CELF4: variants seen among roughly 807,000 people sequenced by gnomAD.
CELF4 encodes the protein CUG-BP- and ETR-3-like factor 4.
In CELF4, 18 loss-of-function variants were observed where a neutral mutation model predicts 59.9. That is an observed-to-expected ratio of 0.30 (90% CI 0.21 to 0.45). CELF4 has a LOEUF of 0.45. Ranked by LOEUF, CELF4 falls within the 20% of genes least tolerant of loss-of-function variation. The pLI is 1.00. For synonymous variants in CELF4, 261 were observed against 267.1 expected (o/e 0.98, Z 0.22); for missense variants, 456 against 689.0 (o/e 0.66, Z 3.79).
At chr18:37,399,466 A>T (rs913868712) in intron 2 of CELF4, among the ~76,000 whole-genome samples, 1 of 152,162 alleles carries the variant, frequency 6.6e-6, no homozygotes, top group African/African-American at 2.4e-5. Flanking sequence ...ATAAGGCTCT[A>T]TTATTTATAA....
At chr18:37,481,972 G>T (rs1431420657) in intron 2 of CELF4, among the ~76,000 whole-genome samples, 2 of 152,242 alleles carry the variant, frequency 1.3e-5, no homozygotes, top group Admixed American at 6.5e-5. Flanking sequence ...ATAAAATGAG[G>T]CAATGTAGGT....
chr18:37,280,119 C>T (rs2093938570), intron 3 of CELF4, among the ~76,000 whole-genome samples: 1 of 152,148 alleles, frequency 6.6e-6, no homozygotes. Context: ...TGTCTAACCA[C>T]CATAGGGGAG....
chr18:37,313,433 T>A (rs989493383), intron 3 of CELF4, among the ~76,000 whole-genome samples: 1 of 152,186 alleles, frequency 6.6e-6, no homozygotes, highest in African/African-American at 2.4e-5. Context: ...TTCTGTATAT[T>A]GAATTTTTGT....
At chr18:37,522,048 C>T (rs1289621360) in intron 1 of CELF4, among the ~76,000 whole-genome samples, 1 of 152,182 alleles carries the variant, frequency 6.6e-6, no homozygotes, top group Non-Finnish European at 1.5e-5. Flanking sequence ...CTTCCATAGC[C>T]TCAGTTTCTG....
chr18:37,358,925 A>T (rs911380638), intron 2 of CELF4, among the ~76,000 whole-genome samples: 1 of 152,146 alleles, frequency 6.6e-6, no homozygotes, highest in Non-Finnish European at 1.5e-5. Flanking sequence ...AACATGGTGA[A>T]ACCCCATCTC....
intron 2 of CELF4, among the ~76,000 whole-genome samples, chr18:37,335,925 C>T (rs564133865): frequency 6.5e-4 from 99 of 152,304 alleles, no homozygotes; most frequent in African/African-American, 8.9e-4. Flanking sequence ...GGAACATCAC[C>T]GCCACTGCCC....
chr18:37,553,565 A>G (rs1377067162), intron 1 of CELF4, among the ~76,000 whole-genome samples: 1 of 152,194 alleles, frequency 6.6e-6, no homozygotes, highest in Non-Finnish European at 1.5e-5. Flanking sequence ...TAAATCGTAG[A>G]CTGTAATTAT....
At chr18:37,552,702 TG>T (rs2099983606) in intron 1 of CELF4, among the ~76,000 whole-genome samples, 1 of 152,202 alleles carries the variant, frequency 6.6e-6, no homozygotes, top group Non-Finnish European at 1.5e-5. Context: ...AAGGGGCAGA[TG>T]GGGGTCTTGA....
intron 1 of CELF4, among the ~76,000 whole-genome samples, chr18:37,503,166 T>G (rs1210759552): frequency 6.6e-6 from 1 of 152,216 alleles, no homozygotes; most frequent in Non-Finnish European, 1.5e-5. Flanking sequence ...AAAGGCCAGA[T>G]ACTGCGCTTT....
intron 2 of CELF4, among the ~76,000 whole-genome samples, chr18:37,470,873 T>TGAGA (rs1569569543): frequency 2.9e-5 from 3 of 104,040 alleles, no homozygotes; most frequent in Admixed American, 1.1e-4. Context: ...TGTGTGTGTG[T>TGAGA]GTGTGTGTGT....
intron 2 of CELF4, among the ~76,000 whole-genome samples, chr18:37,390,284 G>A (rs995656111): frequency 1.3e-5 from 2 of 152,154 alleles, no homozygotes; most frequent in Non-Finnish European, 1.5e-5. Context: ...GTTCCAGGAC[G>A]CCCCCGACAG....
At chr18:37,474,869 A>G (rs571954552) in intron 2 of CELF4, among the ~76,000 whole-genome samples, 1 of 152,196 alleles carries the variant, frequency 6.6e-6, no homozygotes, top group South Asian at 2.1e-4. Flanking sequence ...TGCCAGCACC[A>G]GCACTTCCAG....
chr18:37,495,196 G>A (rs1005979636), intron 1 of CELF4, among the ~76,000 whole-genome samples: 2 of 152,222 alleles, frequency 1.3e-5, no homozygotes, highest in South Asian at 2.1e-4. Context: ...AGGGTGAGAA[G>A]CCAGGCTCAA....
Position 37,458,073 on chromosome 18 carries a change from A to G in CELF4, c.369+27452T>C, listed in dbSNP as rs76194146. Among the ~76,000 whole-genome samples the G allele has an allele frequency of 2.9e-4, 44 of 152,220 alleles. No individual in the cohort carries two copies. The East Asian group carries it at 7.6e-3, about 26-fold the overall frequency. Reference sequence around the variant, plus strand: ...AACTCTAACAGTATAAGTTTTAATGATGGGACTTCGAGCATCAAAGACAGG... The same window carrying G: ...AACTCTAACAGTATAAGTTTTAATGGTGGGACTTCGAGCATCAAAGACAGG... On this transcript the variant is annotated intron_variant, in intron 2 of 12. Transcript: ENST00000420428.
intron 2 of CELF4, among the ~76,000 whole-genome samples, chr18:37,448,224 T>G (rs2099753529): frequency 6.6e-6 from 1 of 152,200 alleles, no homozygotes; most frequent in African/African-American, 2.4e-5. Flanking sequence ...ACTGAGGCCT[T>G]GAGGCTTGTG....
At chr18:37,520,596 C>T (rs1300973621) in intron 1 of CELF4, among the ~76,000 whole-genome samples, 1 of 152,022 alleles carries the variant, frequency 6.6e-6, no homozygotes, top group Admixed American at 6.6e-5. Context: ...GGCCTGAGAG[C>T]AGAGCCGGGA....
Position 37,321,870 on chromosome 18 carries a change from C to T in CELF4, c.381G>A (p.Pro127=), listed in dbSNP as rs41352348. Residue 127 remains proline (P), a synonymous_variant, in exon 3 of 13, where the codon CCG becomes CCA. Coordinates refer to ENST00000420428, the MANE Select transcript of CELF4 (RefSeq NM_020180.4). ...CGCTGTCCGCAGGCTTCACCTGGAT[C>T]GGCCGGTTCATCTGCAACAGAGCAG... ...EQKTLPGMNR[P]IQVKPADSES... 3.9e-3 allele frequency: 6,247 copies of T among 1,613,058 alleles called. 14 individuals carry two copies. Among genetic ancestry groups the T allele is most frequent in the Non-Finnish European group, 5.0e-3 (5,890 of 1,179,404 alleles).
intron 2 of CELF4, among the ~76,000 whole-genome samples, chr18:37,458,080 T>C (rs2154602008): frequency 6.6e-6 from 1 of 152,286 alleles, no homozygotes; most frequent in Non-Finnish European, 1.5e-5. Flanking sequence ...ATGATGGGAC[T>C]TCGAGCATCA....
intron 2 of CELF4, among the ~76,000 whole-genome samples, chr18:37,425,872 G>A (rs573454355): frequency 6.6e-6 from 1 of 152,254 alleles, no homozygotes; most frequent in East Asian, 1.9e-4. Flanking sequence ...GTCCCCAAGA[G>A]AGTTGGTTCT....
Sources: allele counts gnomAD v4.1 joint callset (sites outside exome capture counted in the v4.1 genomes callset), GRCh38; gene constraint gnomAD v4.1.1; transcripts MANE v1.5; gene names NCBI Gene and HGNC (gene_info 2026-07-23, HGNC 2026-07-21).